The following LAMA3 variants were observed in gnomAD, a reference collection of about 807,000 sequenced individuals.
The protein encoded by LAMA3 is laminin subunit alpha-3.
LAMA3 carries 281 observed loss-of-function variants against 402.0 expected under a neutral mutation model. The ratio of observed to expected loss-of-function variants is 0.70; its 90% CI spans 0.63 to 0.77. The LOEUF is 0.77. LAMA3 is among the 30% of genes least tolerant of loss of function. The pLI is 0.00. For synonymous variants in LAMA3, 1,431 were observed against 1,558.4 expected (o/e 0.92, Z 1.93); for missense variants, 3,840 against 4,215.5 (o/e 0.91, Z 2.47).
At position 23,879,012 on chromosome 18, in the gene LAMA3, C is replaced by G. The variant is rs939019684; in HGVS notation, c.5112+2605C>G. ...CAATTCCCCTTCCTCTCTACTATCCCCGTCACCCCTTATTTTCCTCTCCGT... is the reference window on the plus strand; with the variant it reads ...CAATTCCCCTTCCTCTCTACTATCCGCGTCACCCCTTATTTTCCTCTCCGT... On this transcript the variant is annotated intron_variant, in intron 39 of 74. Coordinates refer to ENST00000313654, the MANE Select transcript of LAMA3 (RefSeq NM_198129.4). The surrounding 1 kb of genome is among the most constrained non-coding windows in gnomAD (Gnocchi z 4.2). Among the ~76,000 whole-genome samples, 82 of 152,022 alleles carry G rather than the reference C, an allele frequency of 5.4e-4. No individual in the cohort carries two copies. Among genetic ancestry groups the G allele is most frequent in the African/African-American group, 1.7e-3 (72 of 41,422 alleles).
chr18:23,782,436 C>T (rs551203572), intron 11 of LAMA3, among the ~76,000 whole-genome samples: 69 of 152,140 alleles, frequency 4.5e-4, no homozygotes, highest in African/African-American at 1.5e-3. Flanking sequence ...GCCTGTAATC[C>T]GAGCTACTCG....
chr18:23,831,736 T>G (rs1435604898), intron 23 of LAMA3, among the ~76,000 whole-genome samples: 1 of 152,202 alleles, frequency 6.6e-6, no homozygotes, highest in African/African-American at 2.4e-5. Flanking sequence ...TTCAGTAATA[T>G]TTGCTGACCA....
chr18:23,715,157 T>A (rs1030385045), intron 2 of LAMA3, among the ~76,000 whole-genome samples: 1 of 151,710 alleles, frequency 6.6e-6, no homozygotes, highest in African/African-American at 2.4e-5. Flanking sequence ...GGAGAGAGGG[T>A]GATGAAAATG....
At chr18:23,792,012 A>T (rs2062667120) in intron 12 of LAMA3, among the ~76,000 whole-genome samples, 1 of 152,226 alleles carries the variant, frequency 6.6e-6, no homozygotes, top group East Asian at 1.9e-4. Flanking sequence ...GCAGATTTTC[A>T]AAATAAATGT....
intron 18 of LAMA3, among the ~76,000 whole-genome samples, chr18:23,818,953 T>C (rs2063229725): frequency 6.6e-6 from 1 of 152,198 alleles, no homozygotes; most frequent in Non-Finnish European, 1.5e-5. Context: ...TCTTTGACTA[T>C]CTACAAAATC....
rs2080982183 is a variant in LAMA3 at position 23,899,217 on chromosome 18, C to CA, written c.5837-71_5837-70insA. On this transcript the variant is annotated intron_variant, in intron 46 of 74. Coordinates refer to ENST00000313654, the MANE Select transcript of LAMA3 (RefSeq NM_198129.4). Reference sequence around the variant, plus strand: ...ATAAAATCTCCATAGAAGTTTCTACCTTTTTTTTTTTTTAAGTAGCCTACT... The same window carrying CA: ...ATAAAATCTCCATAGAAGTTTCTACCATTTTTTTTTTTTTAAGTAGCCTACT... The CA allele has an allele frequency of 6.2e-6, 7 of 1,137,990 alleles. No homozygotes were observed. The Admixed American group carries it at 1.1e-4, about 18-fold the overall frequency. The allele number at this position is 1,137,990 out of a possible 1,614,324, so 70.5% of individuals were successfully genotyped here. A position where few individuals can be genotyped will look rare whatever the true frequency, so the allele number is the denominator to read the frequency against.
intron 12 of LAMA3, among the ~76,000 whole-genome samples, chr18:23,792,458 C>T (rs2062677725): frequency 6.6e-6 from 1 of 152,184 alleles, no homozygotes; most frequent in African/African-American, 2.4e-5. Flanking sequence ...TAACAACCCA[C>T]TCTCACGGTA....
At chr18:23,923,027 A>G (rs542203844) in intron 62 of LAMA3, among the ~76,000 whole-genome samples, 1 of 152,318 alleles carries the variant, frequency 6.6e-6, no homozygotes, top group African/African-American at 2.4e-5. Flanking sequence ...GGCCATCAGG[A>G]AAGTGACCTC....
At chr18:23,905,996 C>T (rs992062202) in intron 52 of LAMA3, among the ~76,000 whole-genome samples, 1 of 152,106 alleles carries the variant, frequency 6.6e-6, no homozygotes, top group Admixed American at 6.5e-5. Flanking sequence ...AATTCCTGTC[C>T]TTACGGGATC....
In LAMA3 at chr18:23,727,768, C is replaced by T. The variant is rs140589668; in HGVS notation, c.447+13696C>T. ...ATTTTGAGATAGGACCTTGCTCTGT[C>T]GCCCAGGCTGGAATGTAGTGGCGTG... On this transcript the variant is annotated intron_variant, in intron 2 of 74. Coordinates refer to ENST00000313654, the MANE Select transcript of LAMA3 (RefSeq NM_198129.4). Among the ~76,000 whole-genome samples the T allele has an allele frequency of 2.6e-3, 389 of 152,242 alleles. 2 individuals are homozygous for T. The highest frequency in any genetic ancestry group is 9.1e-3 in the African/African-American group (377 of 41,524).
intron 2 of LAMA3, among the ~76,000 whole-genome samples, chr18:23,735,856 C>T (rs75960206): frequency 0.047 from 7,151 of 152,108 alleles, 425 homozygotes; most frequent in Admixed American, 0.17. Flanking sequence ...CTGTTTCACC[C>T]TGAGCAGAGA....
intron 48 of LAMA3, among the ~76,000 whole-genome samples, chr18:23,901,554 G>T (rs1367946290): frequency 6.6e-6 from 1 of 152,190 alleles, no homozygotes; most frequent in Admixed American, 6.5e-5. Context: ...AGTGCAAACT[G>T]CTTCACCTGC....
chr18:23,942,476 G>A (rs951650571), intron 68 of LAMA3, among the ~76,000 whole-genome samples: 6 of 152,182 alleles, frequency 3.9e-5, no homozygotes, highest in African/African-American at 1.4e-4. Flanking sequence ...TTTGATGGGT[G>A]GATGGATGGA....
chr18:23,898,484 A>G, intron 44 of LAMA3: 1 of 521,180 alleles, frequency 1.9e-6, no homozygotes, highest in South Asian at 2.2e-5. Context: ...CTATAAGGTT[A>G]GGTCATTAAT....
intron 12 of LAMA3, among the ~76,000 whole-genome samples, chr18:23,792,177 A>G (rs1247487314): frequency 6.6e-6 from 1 of 152,186 alleles, no homozygotes; most frequent in Non-Finnish European, 1.5e-5. Context: ...CTCAAAACAC[A>G]TGAGGGACCT....
intron 2 of LAMA3, among the ~76,000 whole-genome samples, chr18:23,738,489 C>T (rs2061513725): frequency 6.6e-6 from 1 of 151,916 alleles, no homozygotes. Flanking sequence ...AAACAGTACT[C>T]AATGAGGGTG....
chr18:23,841,875 T>A (rs2063709421), intron 27 of LAMA3, among the ~76,000 whole-genome samples: 1 of 152,062 alleles, frequency 6.6e-6, no homozygotes, highest in Non-Finnish European at 1.5e-5. Context: ...TGAGCTATGG[T>A]TGCCCCACTG....
chr18:23,813,126 G>A, intron 14 of LAMA3, 23 bp downstream of exon 14: 1 of 1,543,180 alleles, frequency 6.5e-7, no homozygotes, highest in South Asian at 1.1e-5. Flanking sequence ...TAAAAGGGTT[G>A]CAATTCTAAC....
At chr18:23,758,326 G>A (rs1025553576) in intron 6 of LAMA3, 70 bp from the exon 7 acceptor site, 3 of 1,102,360 alleles carry the variant, frequency 2.7e-6, no homozygotes, top group East Asian at 2.5e-5. Flanking sequence ...TGTCAGGTTC[G>A]CACTATAGGA....
Sources: allele counts gnomAD v4.1 joint callset (sites outside exome capture counted in the v4.1 genomes callset), GRCh38; gene constraint gnomAD v4.1.1; non-coding constraint Gnocchi (gnomAD v3.1); transcripts MANE v1.5; gene names NCBI Gene and HGNC (gene_info 2026-07-23, HGNC 2026-07-21).